Variants in ASTN2 observed in about 807,000 individuals in gnomAD.
ASTN2 encodes astrotactin-2.
In ASTN2, 54 loss-of-function variants were observed where a neutral mutation model predicts 139.8. That is an observed-to-expected ratio of 0.39 (90% CI 0.31 to 0.48). The LOEUF is 0.48. ASTN2 is among the 20% of genes least tolerant of loss of function. ASTN2 has a pLI of 0.95. For missense variants in ASTN2, 1,565 were observed against 1,725.1 expected, an observed-to-expected ratio of 0.91 and a Z score of 1.64; for synonymous variants, 756 against 719.5, an observed-to-expected ratio of 1.05 and a Z score of -0.81.
chr9:117,227,302 T>C (rs1832746598), intron 2 of ASTN2, among the ~76,000 whole-genome samples: 1 of 152,254 alleles, frequency 6.6e-6, no homozygotes, highest in Non-Finnish European at 1.5e-5. Context: ...TTTATTATAT[T>C]ACACACTAAT....
At chr9:116,773,290 A>G (rs1474411845) in intron 13 of ASTN2, among the ~76,000 whole-genome samples, 1 of 152,154 alleles carries the variant, frequency 6.6e-6, no homozygotes, top group South Asian at 2.1e-4. Context: ...GCCCTGCCCA[A>G]GGGGGTCTGT....
intron 11 of ASTN2, among the ~76,000 whole-genome samples, chr9:116,847,017 AAAAAAAAAAC>A (rs1832452973): frequency 7.0e-6 from 1 of 143,766 alleles, no homozygotes; most frequent in African/African-American, 2.8e-5. Flanking sequence ...CAAAAAAAAA[AAAAAAAAAAC>A]AAAAAACAAA....
intron 20 of ASTN2, among the ~76,000 whole-genome samples, chr9:116,465,708 T>C (rs533022984): frequency 8.5e-5 from 13 of 152,272 alleles, no homozygotes; most frequent in African/African-American, 2.9e-4. Flanking sequence ...ATGGCGCAAA[T>C]TTAAAAGTAA....
intron 19 of ASTN2, among the ~76,000 whole-genome samples, chr9:116,493,733 T>C (rs1849589681): frequency 6.6e-6 from 1 of 151,998 alleles, no homozygotes; most frequent in Non-Finnish European, 1.5e-5. Context: ...CATGAGCAAA[T>C]TGAAAACAGG....
intron 10 of ASTN2, among the ~76,000 whole-genome samples, chr9:116,933,967 G>T (rs139508544): frequency 1.3e-5 from 1 of 76,424 alleles, no homozygotes; most frequent in Non-Finnish European, 2.7e-5. Context: ...TCAGTTGTGC[G>T]AAGTGTTAGT....
At chr9:116,515,883 T>C (rs1020503617) in intron 19 of ASTN2, among the ~76,000 whole-genome samples, 2 of 152,190 alleles carry the variant, frequency 1.3e-5, no homozygotes, top group Non-Finnish European at 2.9e-5. Flanking sequence ...TTATCATGCA[T>C]CAGAATCACC....
chr9:116,579,265 C>T (rs7872812), intron 19 of ASTN2, among the ~76,000 whole-genome samples: 28,885 of 152,138 alleles, frequency 0.19, 3,393 homozygotes, highest in African/African-American at 0.33. Context: ...AAGATACGAT[C>T]CAAACACAGG....
intron 11 of ASTN2, among the ~76,000 whole-genome samples, chr9:116,826,671 C>T (rs557789435): frequency 1.3e-5 from 2 of 152,230 alleles, no homozygotes; most frequent in Admixed American, 6.5e-5. Context: ...ATACATCAGG[C>T]CCACTGCTCC....
At chr9:117,059,685 C>T (rs1032980329) in intron 5 of ASTN2, among the ~76,000 whole-genome samples, 3 of 152,072 alleles carry the variant, frequency 2.0e-5, no homozygotes, top group Non-Finnish European at 4.4e-5. Flanking sequence ...CACAGACTAA[C>T]CTAGTAAGAT....
chr9:116,672,257 T>C (rs1859242201), intron 16 of ASTN2, among the ~76,000 whole-genome samples: 1 of 151,924 alleles, frequency 6.6e-6, no homozygotes, highest in Non-Finnish European at 1.5e-5. Context: ...TCCCAGCTAC[T>C]TGGGGGACTG....
At chr9:117,300,110 C>T in intron 1 of ASTN2, among the ~76,000 whole-genome samples, 1 of 152,210 alleles carries the variant, frequency 6.6e-6, no homozygotes, top group East Asian at 1.9e-4. Context: ...CAACGACATA[C>T]TTCATCCATC....
intron 10 of ASTN2, among the ~76,000 whole-genome samples, chr9:116,957,710 G>A (rs991359669): frequency 1.3e-5 from 2 of 152,194 alleles, no homozygotes; most frequent in African/African-American, 4.8e-5. Flanking sequence ...GTCTCGCTCT[G>A]TTGCTCTGTC....
At chr9:117,046,610 T>C (rs1255146071) in intron 5 of ASTN2, among the ~76,000 whole-genome samples, 1 of 152,170 alleles carries the variant, frequency 6.6e-6, no homozygotes, top group African/African-American at 2.4e-5. Context: ...TATGTGATAC[T>C]GTTGCTCATG....
intron 3 of ASTN2, among the ~76,000 whole-genome samples, chr9:117,147,101 A>G (rs559741290): frequency 6.6e-6 from 1 of 152,260 alleles, no homozygotes; most frequent in African/African-American, 2.4e-5. Flanking sequence ...TCATTTTGCA[A>G]AGGCATAAGT....
intron 17 of ASTN2, among the ~76,000 whole-genome samples, chr9:116,639,696 T>C (rs989505682): frequency 6.6e-6 from 1 of 152,162 alleles, no homozygotes; most frequent in Non-Finnish European, 1.5e-5. Flanking sequence ...TAAGTAGACA[T>C]TGGACAGCTG....
intron 13 of ASTN2, among the ~76,000 whole-genome samples, chr9:116,799,610 CT>C (rs1830787541): frequency 6.6e-6 from 1 of 150,676 alleles, no homozygotes; most frequent in Admixed American, 6.6e-5. Context: ...TCAATAATAG[CT>C]CTTGACTGAT....
intron 19 of ASTN2, chr9:116,611,778 A>G (rs112633890): frequency 6.6e-6 from 1 of 152,272 alleles, no homozygotes; most frequent in East Asian, 1.9e-4. Context: ...CTTGCAAGAA[A>G]AGGTCTAAGC....
At chr9:116,508,968 T>C (rs777407220) in intron 19 of ASTN2, among the ~76,000 whole-genome samples, 16 of 152,138 alleles carry the variant, frequency 1.1e-4, no homozygotes, top group Admixed American at 2.0e-4. Context: ...TACAGCTTCA[T>C]TTCCATCCCA....
chr9:117,136,442 A>G (rs1240753726), intron 4 of ASTN2, among the ~76,000 whole-genome samples: 1 of 152,236 alleles, frequency 6.6e-6, no homozygotes, highest in Non-Finnish European at 1.5e-5. Flanking sequence ...ACTTTATGAC[A>G]GATTCTTTTG....
Sources: allele counts gnomAD v4.1 joint callset (sites outside exome capture counted in the v4.1 genomes callset), GRCh38; gene constraint gnomAD v4.1.1; transcripts MANE v1.5; gene names NCBI Gene and HGNC (gene_info 2026-07-23, HGNC 2026-07-21).